NRXN1: variants seen among roughly 807,000 people sequenced by gnomAD.
NRXN1 encodes neurexin-1.
A neutral mutation model predicts 150.9 loss-of-function variants in NRXN1; 39 were observed. The observed-to-expected ratio is 0.26, with a 90% confidence interval of 0.20 to 0.34. NRXN1 has a LOEUF of 0.34. NRXN1 is among the 10% of genes least tolerant of loss of function. NRXN1 has a pLI of 1.00. For synonymous variants in NRXN1, 924 were observed against 757.0 expected, an observed-to-expected ratio of 1.22 and a Z score of -3.62; for missense variants, 1,815 against 1,949.9, an observed-to-expected ratio of 0.93 and a Z score of 1.30.
intron 17 of NRXN1, among the ~76,000 whole-genome samples, chr2:50,422,974 T>C (rs1288077968): frequency 1.3e-5 from 2 of 152,202 alleles, no homozygotes; most frequent in Admixed American, 6.5e-5. Context: ...CCACATTCCA[T>C]GGAAAACGTT....
At chr2:50,922,323 C>T (rs1362493259) in intron 4 of NRXN1, among the ~76,000 whole-genome samples, 1 of 151,866 alleles carries the variant, frequency 6.6e-6, no homozygotes, top group Non-Finnish European at 1.5e-5. Context: ...ACAGCAACTT[C>T]TGATGGTTCT....
chr2:50,333,662 T>C (rs192709681), intron 17 of NRXN1, among the ~76,000 whole-genome samples: 3 of 151,804 alleles, frequency 2.0e-5, no homozygotes, highest in Non-Finnish European at 4.4e-5. Flanking sequence ...AAGGCAGGCA[T>C]GTTAAGTGTG....
intron 5 of NRXN1, among the ~76,000 whole-genome samples, chr2:50,733,731 A>G (rs568568982): frequency 1.3e-5 from 2 of 152,298 alleles, no homozygotes; most frequent in East Asian, 1.9e-4. Flanking sequence ...AGTCTTAATA[A>G]TGGTCGACCA....
intron 18 of NRXN1, among the ~76,000 whole-genome samples, chr2:50,178,215 C>T (rs1289292259): frequency 6.6e-6 from 1 of 152,050 alleles, no homozygotes; most frequent in Admixed American, 6.6e-5. Flanking sequence ...ACTTGGCCAG[C>T]TAGCCCGAAT....
intron 8 of NRXN1, chr2:50,616,133 G>C (rs548753770): frequency 1.4e-3 from 219 of 151,478 alleles, no homozygotes; most frequent in African/African-American, 5.1e-3. Context: ...AATGAGTACA[G>C]ATATTTTCCC....
intron 18 of NRXN1, among the ~76,000 whole-genome samples, chr2:50,167,475 A>G (rs1032329671): frequency 6.6e-6 from 1 of 152,064 alleles, no homozygotes; most frequent in Non-Finnish European, 1.5e-5. Context: ...CCATACTGGC[A>G]TCTGGTGCTA....
intron 18 of NRXN1, among the ~76,000 whole-genome samples, chr2:50,155,381 C>T (rs971088300): frequency 2.0e-5 from 3 of 150,808 alleles, no homozygotes; most frequent in East Asian, 3.9e-4. Flanking sequence ...CATACATATA[C>T]ACTTCCCTAT....
At chr2:50,903,218 C>T (rs927222384) in intron 5 of NRXN1, among the ~76,000 whole-genome samples, 1 of 151,936 alleles carries the variant, frequency 6.6e-6, no homozygotes, top group Non-Finnish European at 1.5e-5. Flanking sequence ...ATTTGAGGAC[C>T]CTTTGCAATC....
rs975781294 is a variant in NRXN1, at chr2:50,421,135, C to T, written c.3364+44307G>A. On this transcript the variant is annotated intron_variant, in intron 17 of 22. Transcript: ENST00000401669. ...TTAATAATGCAGAAATTTTTTTTTC[C>T]GGGTATTTTTCATGTCAAAGGACTT... Among the ~76,000 whole-genome samples, 7 of 151,526 alleles carry T rather than the reference C, an allele frequency of 4.6e-5. No homozygotes were observed. The South Asian group carries it at 8.3e-4, about 18-fold the overall frequency.
chr2:50,446,325 A>C (rs1037240157), intron 17 of NRXN1, among the ~76,000 whole-genome samples: 5 of 151,026 alleles, frequency 3.3e-5, no homozygotes, highest in Non-Finnish European at 5.9e-5. Context: ...TTAACTCCTT[A>C]CTTCCTTCCC....
chr2:50,400,495 A>C (rs1244385344), intron 17 of NRXN1, among the ~76,000 whole-genome samples: 1 of 152,176 alleles, frequency 6.6e-6, no homozygotes, highest in Admixed American at 6.5e-5. Flanking sequence ...GAATATAATA[A>C]AGAAAAACTA....
At chr2:50,630,566 C>T (rs556703193) in intron 5 of NRXN1, among the ~76,000 whole-genome samples, 25 of 151,778 alleles carry the variant, frequency 1.6e-4, no homozygotes, top group South Asian at 4.1e-4. Context: ...GCGGGCAGAA[C>T]GAAGTCCCAC....
At chr2:50,979,710 C>G (rs1186337864) in intron 2 of NRXN1, among the ~76,000 whole-genome samples, 2 of 152,074 alleles carry the variant, frequency 1.3e-5, no homozygotes, top group Non-Finnish European at 2.9e-5. Context: ...TCTCACTGAA[C>G]ACACTGTACT....
chr2:50,294,490 A>G lies in NRXN1; in HGVS notation c.3365-57520T>C, dbSNP rs569403798. Among the ~76,000 whole-genome samples, 468 of 152,304 alleles carry G rather than the reference A, an allele frequency of 3.1e-3. 6 individuals carry two copies. The highest frequency in any genetic ancestry group is 5.2e-3 in the Non-Finnish European group (356 of 68,028). On this transcript the variant is annotated intron_variant, in intron 17 of 22. Coordinates refer to ENST00000401669, the MANE Select transcript of NRXN1 (RefSeq NM_001330078.2). ...TGTGTTTATTAAAAAAGCATTTACT[A>G]TATGCTAAGAACTGAAGACAGGTTG...
chr2:50,287,089 A>G (rs2072288017), intron 17 of NRXN1, among the ~76,000 whole-genome samples: 1 of 152,084 alleles, frequency 6.6e-6, no homozygotes, highest in Admixed American at 6.6e-5. Context: ...ACTTCCCTAC[A>G]TGACTTAACT....
intron 2 of NRXN1, among the ~76,000 whole-genome samples, chr2:50,982,335 A>G (rs1456240838): frequency 1.3e-5 from 2 of 152,132 alleles, no homozygotes; most frequent in Non-Finnish European, 2.9e-5. Flanking sequence ...TTTATTAATG[A>G]AAGGACTCTC....
intron 18 of NRXN1, among the ~76,000 whole-genome samples, chr2:50,098,756 G>T (rs1435291659): frequency 6.7e-6 from 1 of 148,426 alleles, no homozygotes; most frequent in Non-Finnish European, 1.5e-5. Context: ...AAAATGTCTT[G>T]AAACTAAGGC....
At chr2:50,107,084 G>T (rs1701750934) in intron 18 of NRXN1, among the ~76,000 whole-genome samples, 1 of 151,946 alleles carries the variant, frequency 6.6e-6, no homozygotes, top group Non-Finnish European at 1.5e-5. Flanking sequence ...AAAAAAGAGA[G>T]CTTGATGACC....
chr2:50,847,260 T>G (rs1673795728), intron 5 of NRXN1, among the ~76,000 whole-genome samples: 1 of 152,142 alleles, frequency 6.6e-6, no homozygotes. Context: ...TTCAAATTCC[T>G]TCTTAAATTA....
Sources: allele counts gnomAD v4.1 joint callset (sites outside exome capture counted in the v4.1 genomes callset), GRCh38; gene constraint gnomAD v4.1.1; transcripts MANE v1.5; gene names NCBI Gene and HGNC (gene_info 2026-07-23, HGNC 2026-07-21).